SCD5: variants seen among roughly 807,000 people sequenced by gnomAD.
The protein encoded by SCD5 is acyl-CoA-desaturase 4.
SCD5 carries 20 observed loss-of-function variants against 30.4 expected under a neutral mutation model. That is an observed-to-expected ratio of 0.66 (90% CI 0.46 to 0.96). SCD5 has a LOEUF of 0.96. SCD5 is among the 40% of genes least tolerant of loss of function. The pLI is 0.00. For synonymous variants in SCD5, 173 were observed against 176.4 expected (o/e 0.98, Z 0.16); for missense variants, 381 against 443.3 (o/e 0.86, Z 1.26).
intron 1 of SCD5, among the ~76,000 whole-genome samples, chr4:82,730,708 C>T (rs1009888329): frequency 4.0e-5 from 6 of 151,172 alleles, no homozygotes; most frequent in African/African-American, 1.5e-4. Context: ...GCCTCAGCCT[C>T]CCGAGTAGCT....
At chr4:82,724,022 A>G (rs887715548) in intron 1 of SCD5, among the ~76,000 whole-genome samples, 2 of 152,246 alleles carry the variant, frequency 1.3e-5, no homozygotes, top group Non-Finnish European at 2.9e-5. Flanking sequence ...GTAAATGGCC[A>G]CAACATCTGC....
chr4:82,650,613 C>T (rs1409864162), intron 3 of SCD5, among the ~76,000 whole-genome samples: 6 of 151,978 alleles, frequency 3.9e-5, no homozygotes, highest in Non-Finnish European at 8.8e-5. Flanking sequence ...GGAGATCACC[C>T]GAGCCTGGGG....
chr4:82,687,897 G>C (rs1728745743), intron 2 of SCD5, among the ~76,000 whole-genome samples: 1 of 152,120 alleles, frequency 6.6e-6, no homozygotes, highest in Non-Finnish European at 1.5e-5. Context: ...TGGCAACAGA[G>C]GACACTGTCT....
chr4:82,741,566 C>G (rs1403905113), intron 1 of SCD5, among the ~76,000 whole-genome samples: 1 of 152,142 alleles, frequency 6.6e-6, no homozygotes, highest in Non-Finnish European at 1.5e-5. Context: ...GAGAAATAGT[C>G]TATCGATGTT....
At chr4:82,699,905 C>T (rs1356094899) in intron 2 of SCD5, among the ~76,000 whole-genome samples, 2 of 151,808 alleles carry the variant, frequency 1.3e-5, no homozygotes, top group Non-Finnish European at 2.9e-5. Flanking sequence ...CGTAATCCGC[C>T]TGCCTCGGCC....
intron 2 of SCD5, among the ~76,000 whole-genome samples, chr4:82,702,130 CTTTTTTTTT>C (rs10701664): frequency 6.2e-5 from 4 of 64,116 alleles, no homozygotes; most frequent in East Asian, 8.7e-4. Context: ...CCATCATCAT[CTTTTTTTTT>C]TTTTTTTTTT....
intron 1 of SCD5, among the ~76,000 whole-genome samples, chr4:82,778,538 G>A (rs1158444525): frequency 6.6e-6 from 1 of 152,256 alleles, no homozygotes; most frequent in East Asian, 1.9e-4. Flanking sequence ...TTCCTGGCCA[G>A]TGGGCCTCAA....
chr4:82,774,532 G>C (rs1167221942), intron 1 of SCD5, among the ~76,000 whole-genome samples: 2 of 152,102 alleles, frequency 1.3e-5, no homozygotes, highest in Non-Finnish European at 2.9e-5. Flanking sequence ...GTGTTTTCTA[G>C]GCTGTCAACA....
rs1368055333 is a variant in SCD5 at position 82,748,946 on chromosome 4, A to T, written c.233-43533T>A. 3.9e-5 allele frequency among the ~76,000 whole-genome samples: 6 copies of T among 152,228 alleles called. No homozygotes were observed. In the East Asian group the frequency reaches 1.2e-3, roughly 29 times the overall value. ...ATGACACCATTTTCAAGCAGCTTAC[A>T]GTCTACTGTGTGGGAGGAAAAGATA... On this transcript the variant is annotated intron_variant, in intron 1 of 4. Transcript: ENST00000319540.
intron 1 of SCD5, among the ~76,000 whole-genome samples, chr4:82,796,071 C>G (rs1029370316): frequency 5.3e-4 from 80 of 151,826 alleles, no homozygotes; most frequent in Middle Eastern, 3.4e-3. Flanking sequence ...GAGATTGAGA[C>G]CATCCTGGCT....
intron 3 of SCD5, among the ~76,000 whole-genome samples, chr4:82,665,277 TTA>T (rs1491434697): frequency 1.2e-4 from 17 of 137,916 alleles, no homozygotes; most frequent in Admixed American, 2.9e-4. Flanking sequence ...GAGAAACAGG[TTA>T]AAAAAATTAA....
intron 1 of SCD5, among the ~76,000 whole-genome samples, chr4:82,708,818 C>A (rs1471513603): frequency 6.6e-6 from 1 of 152,208 alleles, no homozygotes; most frequent in Non-Finnish European, 1.5e-5. Flanking sequence ...CCTTCAAGAG[C>A]CATCCCTGAG....
chr4:82,665,136 G>A (rs371120939), intron 3 of SCD5, among the ~76,000 whole-genome samples: 21 of 145,640 alleles, frequency 1.4e-4, no homozygotes, highest in East Asian at 7.9e-4. Context: ...TCAGGAGGCT[G>A]AGGCAGGAGG....
At chr4:82,753,489 T>C in intron 1 of SCD5, 1 of 472,270 alleles carries the variant, frequency 2.1e-6, no homozygotes, top group Non-Finnish European at 4.4e-6. Flanking sequence ...AGTGATAGTG[T>C]CCATTTCCCA....
intron 2 of SCD5, among the ~76,000 whole-genome samples, chr4:82,700,088 G>A (rs1331190696): frequency 3.9e-5 from 6 of 151,950 alleles, no homozygotes; most frequent in South Asian, 2.1e-4. Flanking sequence ...TTGGTGGCGC[G>A]CACCTGTAAT....
At chr4:82,664,390 T>A (rs1210999214) in intron 3 of SCD5, among the ~76,000 whole-genome samples, 1 of 152,216 alleles carries the variant, frequency 6.6e-6, no homozygotes, top group Admixed American at 6.5e-5. Flanking sequence ...CTTTCTGTTC[T>A]TACAGAAATA....
chr4:82,782,807 T>C (rs1257585108), intron 1 of SCD5, among the ~76,000 whole-genome samples: 1 of 152,218 alleles, frequency 6.6e-6, no homozygotes, highest in African/African-American at 2.4e-5. Context: ...TGGATTCCTG[T>C]GGAGGGAACA....
intron 1 of SCD5, among the ~76,000 whole-genome samples, chr4:82,722,730 A>C (rs1422432976): frequency 6.7e-6 from 1 of 150,338 alleles, no homozygotes; most frequent in Non-Finnish European, 1.5e-5. Flanking sequence ...GCACCACTGC[A>C]CTCCAGCATG....
chr4:82,698,478 G>C (rs1416164369), intron 2 of SCD5, among the ~76,000 whole-genome samples: 1 of 152,186 alleles, frequency 6.6e-6, no homozygotes. Context: ...TCTCCTGACT[G>C]TGTTCTGAGG....
Sources: allele counts gnomAD v4.1 joint callset (sites outside exome capture counted in the v4.1 genomes callset), GRCh38; gene constraint gnomAD v4.1.1; transcripts MANE v1.5; gene names NCBI Gene and HGNC (gene_info 2026-07-23, HGNC 2026-07-21).